PKN3: variants seen among roughly 807,000 people sequenced by gnomAD.
PKN3 encodes the protein protein kinase N3.
Under a neutral mutation model 113.1 loss-of-function variants are expected in PKN3, and 91 were observed. The observed-to-expected ratio is 0.80, with a 90% CI of 0.68 to 0.96. PKN3 has a LOEUF of 0.96. Ranked by LOEUF, PKN3 falls within the 40% of genes least tolerant of loss-of-function variation. The pLI is 0.00. For missense variants in PKN3, 1,052 were observed against 1,202.2 expected, an observed-to-expected ratio of 0.88 and a Z score of 1.85; for synonymous variants, 467 against 499.0, an observed-to-expected ratio of 0.94 and a Z score of 0.85.
Position 128,713,038 on chromosome 9 carries a change from C to T in PKN3, c.836-14C>T, listed in dbSNP as rs1291914850. On this transcript the variant is annotated splice_polypyrimidine_tract_variant and intron_variant, in intron 6 of 21. Coordinates refer to ENST00000291906, the MANE Select transcript of PKN3 (RefSeq NM_013355.5). ...ATGGCATCTGACAACGCCCCCCGCT[C>T]ACTCTCCCCACAGGGACACTGCAGG... The T allele has an allele frequency of 2.5e-6, 4 of 1,582,162 alleles. No individual in the cohort carries two copies. In the African/African-American group the frequency reaches 4.1e-5, roughly 16 times the overall value.
At chr9:128,710,400 T>G (rs1373697108) in intron 6 of PKN3, among the ~76,000 whole-genome samples, 2 of 151,950 alleles carry the variant, frequency 1.3e-5, no homozygotes, top group Non-Finnish European at 2.9e-5. Context: ...CAGGGCCGAC[T>G]GACCCCATTC....
At position 128,706,799 on chromosome 9, in the gene PKN3, G is replaced by A. The variant is rs1022447559; in HGVS notation, c.498G>A (p.Leu166=). The A allele has an allele frequency of 3.1e-6, 5 of 1,610,568 alleles. No individual in the cohort carries two copies. In the Admixed American group the frequency reaches 8.4e-5, roughly 27 times the overall value. The change falls in exon 4 of 22, where the codon CTG becomes CTA. Residue 166 remains leucine, a synonymous_variant. Coordinates refer to ENST00000291906, the MANE Select transcript of PKN3 (RefSeq NM_013355.5). Reference sequence around the variant, plus strand: ...TGCTGCGGATGAAGATCAGCAGCCTGGAGGCCAGTGGGTCCCCGGAGCCAG... The same window carrying A: ...TGCTGCGGATGAAGATCAGCAGCCTAGAGGCCAGTGGGTCCCCGGAGCCAG... The part of the protein sequence containing the change: ...VALLRMKISS[L]EASGSPEPGP...
chr9:128,719,299 C>T (rs149831818), intron 18 of PKN3, among the ~76,000 whole-genome samples: 195 of 152,124 alleles, frequency 1.3e-3, no homozygotes, highest in Non-Finnish European at 1.4e-3. Context: ...AAGAGATTCT[C>T]CTGCCTCAGC....
intron 15 of PKN3, 152 bp from the exon 16 acceptor site, chr9:128,716,595 C>CT (rs199882332): frequency 0.24 from 104,651 of 442,322 alleles, 1,572 homozygotes; most frequent in Non-Finnish European, 0.28. Flanking sequence ...AAGACTGTGT[C>CT]TCAAAAAAAA....
In PKN3 at chr9:128,714,872, C is replaced by T; in HGVS notation, c.1652+7C>T. On this transcript the variant is annotated splice_region_variant and intron_variant, in intron 13 of 21. Transcript: ENST00000291906. ...CACCAGCCTCCCCCACCAGGTACCC[C>T]ATCCTGCGCACCTTCATGTTTGAGA... 6.2e-7 allele frequency: 1 copy of T among 1,612,534 alleles called. No homozygotes were observed. Among genetic ancestry groups the T allele is most frequent in the Non-Finnish European group, 8.5e-7 (1 of 1,178,606 alleles).
chr9:128,715,094 T>G lies in PKN3; in HGVS notation c.1653-78T>G. ...GGTCGGGACAGCCCAGGACTGGGCATGGGAGGCTTGGAGTGGCTCTGGGTA... is the reference window on the plus strand; with the variant it reads ...GGTCGGGACAGCCCAGGACTGGGCAGGGGAGGCTTGGAGTGGCTCTGGGTA... On this transcript the variant is annotated intron_variant, in intron 13 of 21. Transcript: ENST00000291906. This position sits in a 1 kb window ranked among gnomAD's most constrained non-coding sequence, Gnocchi z 4.1. 6.9e-7 allele frequency: 1 copy of G among 1,454,938 alleles called. No homozygotes were observed. The highest frequency in any genetic ancestry group is 9.6e-7 in the Non-Finnish European group (1 of 1,037,732). The allele number at this position is 1,454,938 out of a possible 1,614,324, so 90.1% of individuals were successfully genotyped here.
Position 128,720,544 on chromosome 9 carries a change from G to C in PKN3, c.2608G>C (p.Ala870Pro). 6.2e-7 allele frequency: 1 copy of C among 1,613,448 alleles called. No individual in the cohort carries two copies. The highest frequency in any genetic ancestry group is 8.5e-7 in the Non-Finnish European group (1 of 1,180,016). The change falls in exon 22 of 22, where the codon GCC (alanine) becomes CCC (proline). Residue 870 changes from alanine (A) to proline (P), a missense_variant. Transcript: ENST00000291906. The surrounding 1 kb of genome is among the most constrained non-coding windows in gnomAD (Gnocchi z 5.5). ...TPPAPHSLLT[A>P]RQQAAFRDFD... ...ACCTGCACCCCACAGCCTCCTCACT[G>C]CCCGCCAACAGGCCGCCTTCCGGGA...
intron 1 of PKN3, 61 bp downstream of exon 1, chr9:128,703,000 C>T: frequency 8.4e-7 from 1 of 1,186,172 alleles, no homozygotes. Context: ...TGTCATCGCC[C>T]CGGAGCCCCG....
chr9:128,713,608 T>TCAGC lies in PKN3; in HGVS notation c.1204_1207dup (p.Leu403GlnfsTer20). On this transcript the variant is annotated frameshift_variant, in exon 9 of 22. Transcript: ENST00000291906. LOFTEE classifies it high-confidence loss of function. ...GACAATGCCTGTCACCAACTGTCCCTCAGCCTGGTACCGCAGGGACTGCTT... is the reference window on the plus strand; with the variant it reads ...GACAATGCCTGTCACCAACTGTCCCTCAGCCAGCCTGGTACCGCAGGGACTGCTT... 6.2e-7 allele frequency: 1 copy of TCAGC among 1,613,790 alleles called. No individual in the cohort carries two copies. Among genetic ancestry groups the TCAGC allele is most frequent in the Non-Finnish European group, 8.5e-7 (1 of 1,180,006 alleles).
rs377232174 is a variant in PKN3, at chr9:128,704,135, A to G, written c.25-1168A>G. Reference sequence around the variant, plus strand: ...AGAAGATGGAACACAGAGAGGTAAGATGGGGTTCCTGCAACAGCCCGTGTT... The same window carrying G: ...AGAAGATGGAACACAGAGAGGTAAGGTGGGGTTCCTGCAACAGCCCGTGTT... On this transcript the variant is annotated intron_variant, in intron 1 of 21. Coordinates refer to ENST00000291906, the MANE Select transcript of PKN3 (RefSeq NM_013355.5). 63 of 985,348 alleles carry G rather than the reference A, an allele frequency of 6.4e-5. No homozygotes were observed. In the East Asian group the frequency reaches 2.4e-3, roughly 37 times the overall value. The allele number at this position is 985,348 out of a possible 1,614,324, so 61.0% of individuals were successfully genotyped here.
chr9:128,720,444 G>A lies in PKN3; in HGVS notation c.2508G>A (p.Val836=). The A allele has an allele frequency of 6.2e-7, 1 of 1,613,120 alleles. No individual in the cohort carries two copies. The highest frequency in any genetic ancestry group is 1.3e-5 in the African/African-American group (1 of 75,004). Reference sequence around the variant, plus strand: ...CCCGCACCATCCAGCCCCCCTTCGTGCCTACCCTGTGTGGCCCTGCGGACC... The same window carrying A: ...CCCGCACCATCCAGCCCCCCTTCGTACCTACCCTGTGTGGCCCTGCGGACC... ...LLARTIQPPF[V]PTLCGPADLR... is the part of the protein sequence containing the mutation. Residue 836 remains valine (V), a synonymous_variant, in exon 22 of 22, where the codon GTG becomes GTA. Transcript: ENST00000291906. This position sits in a 1 kb window ranked among gnomAD's most constrained non-coding sequence, Gnocchi z 5.5.
At chr9:128,714,463 C>A in intron 11 of PKN3, 98 bp downstream of exon 11, 3 of 1,172,404 alleles carry the variant, frequency 2.6e-6, no homozygotes, top group South Asian at 1.2e-5. Flanking sequence ...ATTGCTCAGC[C>A]CGCTAACCCT....
At chr9:128,716,967 C>T (rs1376423861) in intron 16 of PKN3, 44 bp downstream of exon 16, 1 of 1,563,420 alleles carries the variant, frequency 6.4e-7, no homozygotes, top group Non-Finnish European at 8.8e-7. Flanking sequence ...CAAACTTTGC[C>T]TGGTTCCCTA....
At chr9:128,703,109 C>G (rs1861903945) in intron 1 of PKN3, among the ~76,000 whole-genome samples, 170 bp downstream of exon 1, 1 of 152,190 alleles carries the variant, frequency 6.6e-6, no homozygotes, top group Non-Finnish European at 1.5e-5. Context: ...CAGACCTGAT[C>G]TCCGGGTTCG....
At position 128,702,597 on chromosome 9, in the gene PKN3, G is replaced by A; in HGVS notation, c.-319G>A. ...GATGTGCCTCCTGAGCGTCCAAACC[G>A]GGGGTGAGGCGCGGTCACGCCCAGC... is the stretch of plus-strand genomic sequence containing the variant. On this transcript the variant is annotated 5_prime_UTR_variant, in exon 1 of 22. Coordinates refer to ENST00000291906, the MANE Select transcript of PKN3 (RefSeq NM_013355.5). The A allele has an allele frequency of 2.9e-6, 1 of 340,336 alleles. No individual in the cohort carries two copies. The highest frequency in any genetic ancestry group is 5.3e-6 in the Non-Finnish European group (1 of 189,376). 21.1% of individuals were successfully genotyped at this position (340,336 alleles called of 1,614,324 possible). A position where few individuals can be genotyped will look rare whatever the true frequency, so the allele number is the denominator to read the frequency against.
At chr9:128,709,304 A>T (rs1280169786) in intron 6 of PKN3, among the ~76,000 whole-genome samples, 17 of 119,944 alleles carry the variant, frequency 1.4e-4, no homozygotes, top group Admixed American at 3.5e-4. Flanking sequence ...AAAAAAATAA[A>T]AAAATTAGCC....
intron 19 of PKN3, 35 bp downstream of exon 19, chr9:128,719,863 T>TGGGGGTGGGGTGGCCCGTGCATC: frequency 1.5e-6 from 1 of 670,756 alleles, no homozygotes; most frequent in East Asian, 4.5e-5. Context: ...GGCCTCTGGG[T>TGGGGGTGGGGTGGCCCGTGCATC]GGGGGTGGGG....
intron 15 of PKN3, 33 bp from the exon 16 acceptor site, chr9:128,716,714 C>T: frequency 2.5e-6 from 4 of 1,573,974 alleles, no homozygotes; most frequent in Non-Finnish European, 3.5e-6. Context: ...GGAAAGTTTT[C>T]CTTCCCTCTA....
intron 17 of PKN3, 31 bp downstream of exon 17, chr9:128,718,418 AGGGGTGGGGGTG>A: frequency 1.1e-5 from 5 of 444,354 alleles, no homozygotes; most frequent in Non-Finnish European, 2.2e-5. Flanking sequence ...GCACGGGGGT[AGGGGTGGGGGTG>A]GGGGTGGAGT....
Sources: gnomAD v4.1 joint callset for allele counts (sites outside exome capture counted in the v4.1 genomes callset) on GRCh38, gnomAD v4.1.1 for gene constraint, Gnocchi (gnomAD v3.1) non-coding constraint, MANE v1.5 for transcripts, NCBI Gene and HGNC (gene_info 2026-07-23, HGNC 2026-07-21) for gene names.